The following ZFYVE1 variants were observed in gnomAD, a reference collection of about 807,000 sequenced individuals.
ZFYVE1 encodes zinc finger FYVE domain-containing protein 1.
Under a neutral mutation model 74.4 loss-of-function variants are expected in ZFYVE1, and 30 were observed. The observed-to-expected ratio is 0.40, with a 90% CI of 0.30 to 0.55. ZFYVE1 has a LOEUF of 0.55. Ranked by LOEUF, ZFYVE1 falls within the 20% of genes least tolerant of loss-of-function variation. The pLI, the probability that ZFYVE1 is intolerant of heterozygous loss-of-function variation, is 0.42. For synonymous variants in ZFYVE1, 335 were observed against 385.1 expected, an observed-to-expected ratio of 0.87 and a Z score of 1.52; for missense variants, 703 against 1,011.6, an observed-to-expected ratio of 0.69 and a Z score of 4.14.
At chr14:73,008,892 A>G (rs1894033109) in intron 2 of ZFYVE1, among the ~76,000 whole-genome samples, 1 of 152,146 alleles carries the variant, frequency 6.6e-6, no homozygotes, top group Non-Finnish European at 1.5e-5. Context: ...TTAGGTTTAA[A>G]TCATACCCTG....
chr14:73,025,362 C>A (rs1450107486), intron 1 of ZFYVE1, among the ~76,000 whole-genome samples: 4 of 151,912 alleles, frequency 2.6e-5, no homozygotes, highest in Non-Finnish European at 5.9e-5. Context: ...AGTCACCGCA[C>A]CTGGCCAGAA....
chr14:72,984,891 C>T (rs1055156972), intron 4 of ZFYVE1, among the ~76,000 whole-genome samples: 14 of 152,220 alleles, frequency 9.2e-5, no homozygotes, highest in Non-Finnish European at 1.8e-4. Context: ...CCTACCTTTG[C>T]ATCCTCCTCC....
At chr14:73,019,984 C>A (rs1198486092) in intron 2 of ZFYVE1, among the ~76,000 whole-genome samples, 1 of 151,794 alleles carries the variant, frequency 6.6e-6, no homozygotes, top group Non-Finnish European at 1.5e-5. Flanking sequence ...ATGTCGGGCG[C>A]AGTGGCTCAC....
In ZFYVE1 at chr14:73,026,979, T is replaced by G. The variant is rs1285577973; in HGVS notation, c.-488A>C. On this transcript the variant is annotated 5_prime_UTR_variant, in exon 1 of 12. Coordinates refer to ENST00000556143, the MANE Select transcript of ZFYVE1 (RefSeq NM_021260.4). ...GCGTCGGGGGGCCGCAGGGCGCCAG[T>G]GGGGGCAGAGGCTATTCCTCAGGAC... The G allele has an allele frequency of 5.0e-6, 2 of 398,496 alleles. No homozygotes were observed. The highest frequency in any genetic ancestry group is 2.1e-5 in the African/African-American group (1 of 48,570). The allele number at this position is 398,496 out of a possible 1,614,324, so 24.7% of individuals were successfully genotyped here.
chr14:73,024,833 C>T lies in ZFYVE1; in HGVS notation c.-325G>A, dbSNP rs1337581609. On this transcript the variant is annotated 5_prime_UTR_variant, in exon 2 of 12. The change creates a new upstream start codon in the 5' untranslated region. Coordinates refer to ENST00000556143, the MANE Select transcript of ZFYVE1 (RefSeq NM_021260.4). ...ATCTGAGAGAGGTCTGATGGGTTCACGGTGGTGGGTTCATCGGTTGGACAT... is the reference window on the plus strand; with the variant it reads ...ATCTGAGAGAGGTCTGATGGGTTCATGGTGGTGGGTTCATCGGTTGGACAT... 1 of 225,440 alleles carries T rather than the reference C, an allele frequency of 4.4e-6. No homozygotes were observed. Among genetic ancestry groups the T allele is most frequent in the African/African-American group, 2.3e-5 (1 of 43,634 alleles). 14.0% of individuals were successfully genotyped at this position (225,440 alleles called of 1,614,324 possible). A position where few individuals can be genotyped will look rare whatever the true frequency, so the allele number is the denominator to read the frequency against.
chr14:72,992,033 A>G (rs977040141), intron 4 of ZFYVE1, among the ~76,000 whole-genome samples: 2 of 151,968 alleles, frequency 1.3e-5, no homozygotes, highest in South Asian at 4.2e-4. Flanking sequence ...CAGCCTCCCA[A>G]GTAGCTAGGA....
At chr14:73,019,822 G>T (rs952695232) in intron 2 of ZFYVE1, among the ~76,000 whole-genome samples, 19 of 151,952 alleles carry the variant, frequency 1.3e-4, no homozygotes, top group African/African-American at 4.4e-4. Flanking sequence ...CGTGGTGGTG[G>T]TGCCTACAAT....
At chr14:72,982,004 A>G in intron 4 of ZFYVE1, 109 bp from the exon 5 acceptor site, 1 of 892,898 alleles carries the variant, frequency 1.1e-6, no homozygotes, top group Non-Finnish European at 1.8e-6. Flanking sequence ...GAAATCCAGT[A>G]ACTTCTGCTC....
At chr14:72,979,159 A>C in intron 5 of ZFYVE1, 190 bp from the exon 6 acceptor site, 1 of 567,172 alleles carries the variant, frequency 1.8e-6, no homozygotes, top group South Asian at 1.9e-5. Flanking sequence ...AATCAACAGC[A>C]CTACAGAGGC....
chr14:73,025,074 T>TC (rs34846290), intron 1 of ZFYVE1, 132 bp from the exon 2 acceptor site: 22,187 of 150,082 alleles, frequency 0.15, 1,860 homozygotes, highest in South Asian at 0.24. Flanking sequence ...TTTTTTTCTT[T>TC]TTTTTTTTTT....
In ZFYVE1 at chr14:73,023,386, T is replaced by TG. The variant is rs1894382743; in HGVS notation, c.483+639_483+640insC. Among the ~76,000 whole-genome samples, 19 of 12,396 alleles carry TG rather than the reference T, an allele frequency of 1.5e-3. 1 individual carries two copies. The South Asian group carries it at 0.051, about 33-fold the overall frequency. The allele number at this position is 12,396 out of a possible 152,430, so 8.1% of individuals were successfully genotyped here. A position where few individuals can be genotyped will look rare whatever the true frequency, so the allele number is the denominator to read the frequency against. ...ATATGTTTTATATATAATATATATA[T>TG]TTTATGTGTTTTATATATAATATAT... On this transcript the variant is annotated intron_variant, in intron 2 of 11. Coordinates refer to ENST00000556143, the MANE Select transcript of ZFYVE1 (RefSeq NM_021260.4).
intron 4 of ZFYVE1, among the ~76,000 whole-genome samples, chr14:72,989,940 A>C (rs1290910990): frequency 6.6e-6 from 1 of 152,218 alleles, no homozygotes; most frequent in Non-Finnish European, 1.5e-5. Flanking sequence ...ACTAATAAAA[A>C]AAAATTAATA....
intron 8 of ZFYVE1, among the ~76,000 whole-genome samples, chr14:72,976,502 C>T (rs1457727854): frequency 1.3e-5 from 2 of 151,966 alleles, no homozygotes; most frequent in African/African-American, 4.8e-5. Flanking sequence ...ATAAGGAAAT[C>T]GGCCGGGTGC....
intron 3 of ZFYVE1, 31 bp from the exon 4 acceptor site, chr14:72,993,388 A>T: frequency 2.5e-5 from 37 of 1,463,578 alleles, no homozygotes; most frequent in Non-Finnish European, 3.2e-5. Flanking sequence ...GCACATGGGT[A>T]GTGAGTGACA....
intron 2 of ZFYVE1, among the ~76,000 whole-genome samples, chr14:73,003,793 A>G (rs1191142828): frequency 6.6e-6 from 1 of 152,192 alleles, no homozygotes; most frequent in African/African-American, 2.4e-5. Flanking sequence ...ATTCCTGATA[A>G]TACTAACAGT....
intron 2 of ZFYVE1, among the ~76,000 whole-genome samples, chr14:73,018,690 T>TC (rs1894251086): frequency 1.3e-5 from 2 of 152,098 alleles, no homozygotes; most frequent in African/African-American, 4.8e-5. Flanking sequence ...ATGCCTGTAA[T>TC]CCCATCACTT....
chr14:72,998,724 G>C (rs1006881584), intron 2 of ZFYVE1, among the ~76,000 whole-genome samples: 1 of 151,970 alleles, frequency 6.6e-6, no homozygotes. Context: ...GGTGGTTCAC[G>C]CATGTAACAG....
In ZFYVE1 at chr14:73,021,679, C is replaced by A. The variant is rs376629415; in HGVS notation, c.483+2347G>T. ...CCATCAGTCCCAAAAATGCTGCTTG[C>A]AGTTAATAAACTGTTATTTCCTAGG... On this transcript the variant is annotated intron_variant, in intron 2 of 11. Coordinates refer to ENST00000556143, the MANE Select transcript of ZFYVE1 (RefSeq NM_021260.4). Among the ~76,000 whole-genome samples, 5 of 152,234 alleles carry A rather than the reference C, an allele frequency of 3.3e-5. No homozygotes were observed. The East Asian group carries it at 9.6e-4, about 29-fold the overall frequency.
chr14:72,994,443 C>CATGAGGAGGGCTTCT (rs1476868140), intron 3 of ZFYVE1, among the ~76,000 whole-genome samples: 2 of 149,778 alleles, frequency 1.3e-5, no homozygotes, highest in Non-Finnish European at 3.0e-5. Flanking sequence ...TGGTAAAGGA[C>CATGAGGAGGGCTTCT]ATGAGGAGGG....
Sources: allele counts gnomAD v4.1 joint callset (sites outside exome capture counted in the v4.1 genomes callset), GRCh38; gene constraint gnomAD v4.1.1; transcripts MANE v1.5; gene names NCBI Gene and HGNC (gene_info 2026-07-23, HGNC 2026-07-21).